BRINP1: variants seen among roughly 807,000 people sequenced by gnomAD.
BRINP1 encodes BMP/retinoic acid-inducible neural-specific protein 1.
Under a neutral mutation model 72.9 loss-of-function variants are expected in BRINP1, and 17 were observed. The ratio of observed to expected loss-of-function variants is 0.23; its 90% CI spans 0.16 to 0.35. The LOEUF (loss-of-function observed/expected upper bound fraction) is 0.35. Ranked by LOEUF, BRINP1 falls within the 10% of genes least tolerant of loss-of-function variation. The pLI is 1.00. For missense variants in BRINP1, 850 were observed against 1,001.6 expected (o/e 0.85, Z 2.04); for synonymous variants, 418 against 378.5 (o/e 1.10, Z -1.21).
chr9:119,218,970 A>T (rs1830010296), intron 5 of BRINP1, among the ~76,000 whole-genome samples: 1 of 152,094 alleles, frequency 6.6e-6, no homozygotes, highest in Non-Finnish European at 1.5e-5. Flanking sequence ...AGATGAGGTC[A>T]TGTGGGTGGT....
intron 5 of BRINP1, among the ~76,000 whole-genome samples, chr9:119,221,913 A>G (rs1421608050): frequency 6.6e-6 from 1 of 152,160 alleles, no homozygotes; most frequent in Non-Finnish European, 1.5e-5. Flanking sequence ...TCTTGGTTCC[A>G]TCAAAGATTC....
chr9:119,274,525 G>T (rs1333065149), intron 2 of BRINP1, among the ~76,000 whole-genome samples: 3 of 152,188 alleles, frequency 2.0e-5, no homozygotes, highest in African/African-American at 7.2e-5. Flanking sequence ...AGCTGGCCCT[G>T]ATTTGGAAGA....
chr9:119,318,602 G>A (rs1487969128), intron 1 of BRINP1, among the ~76,000 whole-genome samples: 3 of 152,198 alleles, frequency 2.0e-5, no homozygotes, highest in East Asian at 1.9e-4. Context: ...GTCTGCCAGA[G>A]CCCCCAAGTG....
At chr9:119,263,638 C>T (rs985609447) in intron 2 of BRINP1, among the ~76,000 whole-genome samples, 9 of 100,712 alleles carry the variant, frequency 8.9e-5, no homozygotes, top group Non-Finnish European at 1.4e-4. Context: ...GACAGAGTCT[C>T]GCTTTGTCGC....
intron 1 of BRINP1, among the ~76,000 whole-genome samples, chr9:119,317,758 C>T (rs560403113): frequency 6.6e-6 from 1 of 152,206 alleles, no homozygotes; most frequent in Non-Finnish European, 1.5e-5. Flanking sequence ...TCTTCAGCAA[C>T]CTGACCACCC....
intron 7 of BRINP1, among the ~76,000 whole-genome samples, chr9:119,194,742 G>A (rs1829717351): frequency 6.6e-6 from 1 of 152,120 alleles, no homozygotes; most frequent in African/African-American, 2.4e-5. Context: ...ACTGAATTCT[G>A]CCAACACCTT....
chr9:119,168,232 A>G lies in BRINP1; in HGVS notation c.1146-8T>C. ...AGCCACTGCTGAATTGTCCTGGGAG[A>G]TAAAGGAAAATTGGAGAAGGTTAGC... On this transcript the variant is annotated splice_region_variant and splice_polypyrimidine_tract_variant and intron_variant, in intron 7 of 7. Transcript: ENST00000265922. 2 of 1,492,638 alleles carry G rather than the reference A, an allele frequency of 1.3e-6. No homozygotes were observed. The highest frequency in any genetic ancestry group is 1.4e-5 in the South Asian group (1 of 73,278). 92.5% of individuals were successfully genotyped at this position (1,492,638 alleles called of 1,614,324 possible).
chr9:119,258,788 C>A (rs937337177), intron 2 of BRINP1, among the ~76,000 whole-genome samples: 2 of 152,136 alleles, frequency 1.3e-5, no homozygotes, highest in African/African-American at 4.8e-5. Context: ...ATCTCTGTCA[C>A]CCCACACATT....
At chr9:119,241,559 T>C (rs1830249191) in intron 4 of BRINP1, among the ~76,000 whole-genome samples, 1 of 152,212 alleles carries the variant, frequency 6.6e-6, no homozygotes, top group Non-Finnish European at 1.5e-5. Flanking sequence ...TCTAACTGTA[T>C]AACCCTCAGA....
chr9:119,345,740 A>G (rs947534093), intron 1 of BRINP1, among the ~76,000 whole-genome samples: 3 of 152,200 alleles, frequency 2.0e-5, no homozygotes, highest in Admixed American at 2.0e-4. Context: ...AACCAAATCA[A>G]CGTGGACTCC....
In BRINP1 at chr9:119,217,647, C is replaced by G. The variant is rs182377091; in HGVS notation, c.686-3492G>C. ...TTCCTTCTCTTTTCCTGATTTGTGC[C>G]TCATTCTTTTTCCTTTCAATTCACC... On this transcript the variant is annotated intron_variant, in intron 5 of 7. Coordinates refer to ENST00000265922, the MANE Select transcript of BRINP1 (RefSeq NM_014618.3). 4.6e-5 allele frequency among the ~76,000 whole-genome samples: 7 copies of G among 152,202 alleles called. No homozygotes were observed. In the East Asian group the frequency reaches 1.4e-3, roughly 29 times the overall value.
At chr9:119,230,773 T>A (rs1324885351) in intron 5 of BRINP1, among the ~76,000 whole-genome samples, 1 of 151,876 alleles carries the variant, frequency 6.6e-6, no homozygotes, top group Non-Finnish European at 1.5e-5. Flanking sequence ...AGAAACCAGA[T>A]AGACCATTTG....
At chr9:119,355,491 G>A (rs776177399) in intron 1 of BRINP1, among the ~76,000 whole-genome samples, 1 of 152,090 alleles carries the variant, frequency 6.6e-6, no homozygotes. Context: ...CACTTTGGGA[G>A]GCCAAGGTGG....
Position 119,167,374 on chromosome 9 carries a change from C to A in BRINP1, c.1996G>T (p.Ala666Ser). The A allele has an allele frequency of 6.2e-7, 1 of 1,614,008 alleles. No homozygotes were observed. The highest frequency in any genetic ancestry group is 1.3e-5 in the African/African-American group (1 of 75,004). ...TGCACTGCACTGCGCAGGAGGTCGG[C>A]GTTGAACCTCAGGCTATACCCAAAC... Reference protein sequence around the residue: ...QVFGYSLRFNADLLRSAVQQV... With the variant: ...QVFGYSLRFNSDLLRSAVQQV... The change falls in exon 8 of 8, where the codon GCC becomes TCC. Residue 666 changes from alanine to serine, a missense_variant. Transcript: ENST00000265922. This position sits in a 1 kb window ranked among gnomAD's most constrained non-coding sequence, Gnocchi z 4.3.
At position 119,302,868 on chromosome 9, in the gene BRINP1, C is replaced by T. The variant is rs375179204; in HGVS notation, c.218+10270G>A. On this transcript the variant is annotated intron_variant, in intron 2 of 7. Transcript: ENST00000265922. ...TTTCAACACTCCTCATACTAGGGGT[C>T]GATTTGGCTGCTTTTAGCATATCTC... 7.2e-5 allele frequency among the ~76,000 whole-genome samples: 11 copies of T among 151,980 alleles called. No individual in the cohort carries two copies. The East Asian group carries it at 1.4e-3, about 19-fold the overall frequency.
At chr9:119,320,728 G>A (rs1831178346) in intron 1 of BRINP1, among the ~76,000 whole-genome samples, 1 of 152,198 alleles carries the variant, frequency 6.6e-6, no homozygotes, top group Non-Finnish European at 1.5e-5. Flanking sequence ...GACAGGGACA[G>A]GGTGGGTTCA....
At chr9:119,252,553 CGTGT>C (rs149734478) in intron 2 of BRINP1, among the ~76,000 whole-genome samples, 1 of 145,696 alleles carries the variant, frequency 6.9e-6, no homozygotes, top group African/African-American at 2.5e-5. Flanking sequence ...TATAGTCATA[CGTGT>C]GTGTGTGTGT....
intron 2 of BRINP1, among the ~76,000 whole-genome samples, chr9:119,266,498 A>AT (rs947010088): frequency 3.9e-5 from 6 of 152,186 alleles, no homozygotes; most frequent in African/African-American, 7.2e-5. Flanking sequence ...AATATTTAAC[A>AT]TTTTTTTGTG....
intron 1 of BRINP1, among the ~76,000 whole-genome samples, chr9:119,336,643 T>C (rs1831347974): frequency 6.6e-6 from 1 of 152,072 alleles, no homozygotes; most frequent in Admixed American, 6.5e-5. Flanking sequence ...TCGTATTGAT[T>C]TGAAAAGGCA....
Sources: gnomAD v4.1 joint callset for allele counts (sites outside exome capture counted in the v4.1 genomes callset) on GRCh38, gnomAD v4.1.1 for gene constraint, Gnocchi (gnomAD v3.1) non-coding constraint, MANE v1.5 for transcripts, NCBI Gene and HGNC (gene_info 2026-07-23, HGNC 2026-07-21) for gene names.